ITPKB: variants seen among roughly 807,000 people sequenced by gnomAD.
The protein encoded by ITPKB is IP3 3-kinase B.
In ITPKB, 13 loss-of-function variants were observed where a neutral mutation model predicts 69.4. The ratio of observed to expected loss-of-function variants is 0.19; its 90% CI spans 0.12 to 0.30. The LOEUF is 0.30. Among genes scored for constraint, ITPKB ranks in the 10% least tolerant of loss-of-function variants. ITPKB has a pLI of 1.00. For synonymous variants in ITPKB, 584 were observed against 513.7 expected (o/e 1.14, Z -1.85); for missense variants, 1,240 against 1,250.5 (o/e 0.99, Z 0.13).
intron 2 of ITPKB, among the ~76,000 whole-genome samples, chr1:226,724,487 G>C (rs1657346231): frequency 6.6e-6 from 1 of 152,190 alleles, no homozygotes; most frequent in Non-Finnish European, 1.5e-5. Context: ...CCATGCTATT[G>C]TATCGAGCAT....
chr1:226,637,739 C>T lies in ITPKB; in HGVS notation c.2565G>A (p.Arg855=). Residue 855 remains arginine (R), a synonymous_variant, in exon 7 of 8, where the codon CGG becomes CGA. Coordinates refer to ENST00000429204, the MANE Select transcript of ITPKB (RefSeq NM_002221.4). The surrounding 1 kb of genome is among the most constrained non-coding windows in gnomAD (Gnocchi z 4.3). The part of the protein sequence containing the change: ...KGNHNILIAY[R]DRLKAIRTTL... ...TGGTTCGAATGGCCTTCAGCCGGTC[C>T]CGATAGGCGATCTGGGAATAGAAAG... 6.2e-7 allele frequency: 1 copy of T among 1,613,654 alleles called. No individual in the cohort carries two copies. Among genetic ancestry groups the T allele is most frequent in the Non-Finnish European group, 8.5e-7 (1 of 1,179,630 alleles).
chr1:226,649,087 C>T (rs976393056), intron 2 of ITPKB, among the ~76,000 whole-genome samples: 3 of 152,244 alleles, frequency 2.0e-5, no homozygotes, highest in Non-Finnish European at 2.9e-5. Flanking sequence ...TTCGTAGATG[C>T]GGAGGCACCA....
rs1274404122 is a variant in ITPKB at position 226,641,586 on chromosome 1, C to G, written c.2451+335G>C. On this transcript the variant is annotated intron_variant, in intron 5 of 7. Coordinates refer to ENST00000429204, the MANE Select transcript of ITPKB (RefSeq NM_002221.4). The surrounding 1 kb of genome is among the most constrained non-coding windows in gnomAD (Gnocchi z 4.6). ...TGCCAGTCCCAGTTTGCAGCCATGG[C>G]AGAATGAACCAGCTACCCCACAGGC... 1.3e-5 allele frequency among the ~76,000 whole-genome samples: 2 copies of G among 152,236 alleles called. No homozygotes were observed. Among genetic ancestry groups the G allele is most frequent in the African/African-American group, 2.4e-5 (1 of 41,468 alleles).
Position 226,642,755 on chromosome 1 carries a change from C to T in ITPKB, c.2247-630G>A, listed in dbSNP as rs556853682. On this transcript the variant is annotated intron_variant, in intron 4 of 7. Coordinates refer to ENST00000429204, the MANE Select transcript of ITPKB (RefSeq NM_002221.4). This position sits in a 1 kb window ranked among gnomAD's most constrained non-coding sequence, Gnocchi z 6.4. ...TGGCTGCCTCGGCCCTTCCATAAAG[C>T]GAGGGCTTCCAAAGCCAGAACCTGT... is the stretch of plus-strand genomic sequence containing the variant. Among the ~76,000 whole-genome samples the T allele has an allele frequency of 5.3e-4, 81 of 152,210 alleles. No homozygotes were observed. The highest frequency in any genetic ancestry group is 1.8e-3 in the African/African-American group (76 of 41,530).
At chr1:226,715,900 T>C (rs1311214368) in intron 2 of ITPKB, among the ~76,000 whole-genome samples, 2 of 152,194 alleles carry the variant, frequency 1.3e-5, no homozygotes, top group Non-Finnish European at 2.9e-5. Flanking sequence ...AACCTCCGCC[T>C]CCCAGGTTCA....
intron 2 of ITPKB, among the ~76,000 whole-genome samples, chr1:226,664,464 T>C: frequency 6.6e-6 from 1 of 152,174 alleles, no homozygotes; most frequent in East Asian, 1.9e-4. Context: ...CGTATCGTGG[T>C]GGGACGAGGG....
At chr1:226,691,322 G>T (rs1426555419) in intron 2 of ITPKB, among the ~76,000 whole-genome samples, 1 of 152,006 alleles carries the variant, frequency 6.6e-6, no homozygotes, top group Non-Finnish European at 1.5e-5. Flanking sequence ...ACATGCATAT[G>T]ACCAGTGTCT....
rs1304611166 is a variant in ITPKB at position 226,738,084 on chromosome 1, C to T, written c.-205-421G>A. On this transcript the variant is annotated intron_variant, in intron 1 of 7. Transcript: ENST00000429204. This position sits in a 1 kb window ranked among gnomAD's most constrained non-coding sequence, Gnocchi z 4.2. ...CCAGCCTGAGCAAACATTGGCTATC[C>T]AGGGCAACCCGGCAGCCCTCGCCCT... Among the ~76,000 whole-genome samples, 1 of 152,152 alleles carries T rather than the reference C, an allele frequency of 6.6e-6. No homozygotes were observed. The highest frequency in any genetic ancestry group is 1.9e-4 in the East Asian group (1 of 5,166).
intron 2 of ITPKB, among the ~76,000 whole-genome samples, chr1:226,710,503 G>T (rs1392580865): frequency 6.6e-6 from 1 of 152,176 alleles, no homozygotes; most frequent in Non-Finnish European, 1.5e-5. Context: ...TTTAATGAGT[G>T]CAGAGTCTCA....
At chr1:226,666,017 C>G (rs745677405) in intron 2 of ITPKB, among the ~76,000 whole-genome samples, 1 of 152,196 alleles carries the variant, frequency 6.6e-6, no homozygotes, top group Non-Finnish European at 1.5e-5. Flanking sequence ...GACCCAAAAG[C>G]TCCTGGCCAT....
At chr1:226,655,696 G>C (rs1431887647) in intron 2 of ITPKB, among the ~76,000 whole-genome samples, 1 of 152,236 alleles carries the variant, frequency 6.6e-6, no homozygotes, top group African/African-American at 2.4e-5. Flanking sequence ...GCCACCCAGG[G>C]CCAGCACTGT....
chr1:226,735,807 T>C lies in ITPKB; in HGVS notation c.1652A>G (p.Asp551Gly). 1 of 1,608,234 alleles carries C rather than the reference T, an allele frequency of 6.2e-7. No homozygotes were observed. The highest frequency in any genetic ancestry group is 8.5e-7 in the Non-Finnish European group (1 of 1,175,444). The change falls in exon 2 of 8, where the codon GAT becomes GGT. Residue 551 changes from aspartate to glycine, a missense_variant. Physicochemically the swap from Asp to Gly is moderately conservative, Grantham distance 94 (BLOSUM62 -1). Around this residue, in one of 2 missense-constraint regions of ITPKB, gnomAD observed 992 missense variants for 853.8 expected, o/e 1.16. Transcript: ENST00000429204. Reference protein sequence around the residue: ...ALPSPELLPQDPDKPFLRKAC... With the variant: ...ALPSPELLPQGPDKPFLRKAC... ...CTTCCTCAGGAAAGGCTTGTCCGGATCTTGGGGTAGCAGCTCCGGACTTGG... is the reference window on the plus strand; with the variant it reads ...CTTCCTCAGGAAAGGCTTGTCCGGACCTTGGGGTAGCAGCTCCGGACTTGG...
At chr1:226,689,569 T>TTGTGTG (rs10589027) in intron 2 of ITPKB, among the ~76,000 whole-genome samples, 1,421 of 138,538 alleles carry the variant, frequency 0.01, 9 homozygotes, top group South Asian at 0.014. Context: ...AAGGTTTTAT[T>TTGTGTG]TGTGTGTGTG....
chr1:226,679,496 T>C lies in ITPKB; in HGVS notation c.1933-30725A>G, dbSNP rs144331260. ...ATTAACCACATAAACTCAAAAATAC[T>C]ATCTGGCTCTGAAATGCTGTGTTCT... On this transcript the variant is annotated intron_variant, in intron 2 of 7. Transcript: ENST00000429204. Among the ~76,000 whole-genome samples the C allele has an allele frequency of 2.1e-3, 313 of 152,330 alleles. 2 individuals carry two copies. The highest frequency in any genetic ancestry group is 6.7e-3 in the African/African-American group (278 of 41,570).
chr1:226,656,474 G>C (rs1161780007), intron 2 of ITPKB, among the ~76,000 whole-genome samples: 1 of 152,194 alleles, frequency 6.6e-6, no homozygotes, highest in Non-Finnish European at 1.5e-5. Flanking sequence ...GCTGTGCTGG[G>C]ACAACTTCAG....
chr1:226,688,890 C>T (rs1322393967), intron 2 of ITPKB, among the ~76,000 whole-genome samples: 1 of 152,130 alleles, frequency 6.6e-6, no homozygotes. Context: ...GCTCCCATTA[C>T]CAACCACTCC....
chr1:226,724,592 T>C (rs1025123141), intron 2 of ITPKB, among the ~76,000 whole-genome samples: 6 of 152,166 alleles, frequency 3.9e-5, no homozygotes, highest in Admixed American at 2.0e-4. Flanking sequence ...ATTTCACAGA[T>C]GATGCAACTG....
chr1:226,730,114 G>A (rs959502135), intron 2 of ITPKB, among the ~76,000 whole-genome samples: 2 of 152,202 alleles, frequency 1.3e-5, no homozygotes, highest in Non-Finnish European at 2.9e-5. Context: ...ACTTTAGCTA[G>A]TCAAATTTGA....
At chr1:226,636,949 T>C (rs1306548852) in intron 7 of ITPKB, among the ~76,000 whole-genome samples, 1 of 152,106 alleles carries the variant, frequency 6.6e-6, no homozygotes, top group East Asian at 1.9e-4. Context: ...TGCATGTGTG[T>C]GAATGTGTGT....
Sources: allele counts gnomAD v4.1 joint callset (sites outside exome capture counted in the v4.1 genomes callset), GRCh38; gene constraint gnomAD v4.1.1; regional missense constraint gnomAD v4.1.1; non-coding constraint Gnocchi (gnomAD v3.1); transcripts MANE v1.5; gene names NCBI Gene and HGNC (gene_info 2026-07-23, HGNC 2026-07-21).